Variants in SLC25A21 observed in about 807,000 individuals in gnomAD.
The protein encoded by SLC25A21 is mitochondrial 2-oxodicarboxylate carrier.
Under a neutral mutation model 43.8 loss-of-function variants are expected in SLC25A21, and 47 were observed. The ratio of observed to expected loss-of-function variants is 1.07; its 90% CI spans 0.85 to 1.37. The LOEUF (loss-of-function observed/expected upper bound fraction) is 1.37, where lower values mean the gene tolerates loss of function less well. Among genes scored for constraint, SLC25A21 ranks in the 40% most tolerant of loss-of-function variants. The pLI is 0.00. For missense variants in SLC25A21, 352 were observed against 350.2 expected (o/e 1.00, Z -0.04); for synonymous variants, 131 against 121.3 (o/e 1.08, Z -0.52).
At chr14:36,959,058 C>A (rs921306271) in intron 1 of SLC25A21, among the ~76,000 whole-genome samples, 3 of 152,150 alleles carry the variant, frequency 2.0e-5, no homozygotes, top group African/African-American at 4.8e-5. Context: ...TCGTGGTTGC[C>A]TTCACTATCA....
intron 1 of SLC25A21, among the ~76,000 whole-genome samples, chr14:37,057,709 T>C (rs1168262749): frequency 2.0e-5 from 3 of 152,240 alleles, no homozygotes; most frequent in African/African-American, 7.2e-5. Flanking sequence ...ACTTGAATTT[T>C]CAAAGAAGTA....
At chr14:37,091,934 C>A (rs1189285837) in intron 1 of SLC25A21, among the ~76,000 whole-genome samples, 1 of 152,084 alleles carries the variant, frequency 6.6e-6, no homozygotes, top group Non-Finnish European at 1.5e-5. Flanking sequence ...TTGAGATCAG[C>A]CTGGGCAACA....
intron 3 of SLC25A21, among the ~76,000 whole-genome samples, chr14:36,775,612 C>T (rs148691567): frequency 6.6e-6 from 1 of 152,216 alleles, no homozygotes; most frequent in African/African-American, 2.4e-5. Context: ...GGTATAAAAT[C>T]CAATCTCCCA....
intron 3 of SLC25A21, among the ~76,000 whole-genome samples, chr14:36,771,187 C>T (rs1287435802): frequency 2.6e-5 from 4 of 152,132 alleles, no homozygotes; most frequent in Admixed American, 6.5e-5. Flanking sequence ...CTTTAATATG[C>T]TTTTAAAGAA....
At chr14:37,026,666 T>C (rs1961099397) in intron 1 of SLC25A21, among the ~76,000 whole-genome samples, 1 of 152,210 alleles carries the variant, frequency 6.6e-6, no homozygotes, top group African/African-American at 2.4e-5. Context: ...CTGTTGAATT[T>C]ATCAGAGCTG....
intron 1 of SLC25A21, among the ~76,000 whole-genome samples, chr14:37,034,789 T>C (rs1468218815): frequency 6.6e-6 from 1 of 152,056 alleles, no homozygotes; most frequent in South Asian, 2.1e-4. Flanking sequence ...AGGTGAAAAG[T>C]GGTAAGAAGC....
intron 1 of SLC25A21, among the ~76,000 whole-genome samples, chr14:36,995,840 T>A (rs1960360311): frequency 6.6e-6 from 1 of 152,182 alleles, no homozygotes; most frequent in South Asian, 2.1e-4. Flanking sequence ...ATCCACTCCC[T>A]TACTCCTTCG....
intron 1 of SLC25A21, among the ~76,000 whole-genome samples, chr14:37,009,691 C>T (rs971810392): frequency 6.6e-6 from 1 of 152,132 alleles, no homozygotes; most frequent in Admixed American, 6.6e-5. Flanking sequence ...GAGCAAATTA[C>T]TTTTTCCAAT....
intron 5 of SLC25A21, among the ~76,000 whole-genome samples, chr14:36,728,918 A>G (rs1320463073): frequency 6.6e-6 from 1 of 152,232 alleles, no homozygotes; most frequent in East Asian, 1.9e-4. Flanking sequence ...TGTGAAAAGC[A>G]GCAAAGTCAC....
chr14:37,111,095 A>G (rs531409084), intron 1 of SLC25A21, among the ~76,000 whole-genome samples: 1 of 152,274 alleles, frequency 6.6e-6, no homozygotes, highest in South Asian at 2.1e-4. Flanking sequence ...CAATGCCTCA[A>G]TGTTTTCTTA....
intron 1 of SLC25A21, among the ~76,000 whole-genome samples, chr14:37,011,045 C>T (rs1960719628): frequency 6.6e-6 from 1 of 152,162 alleles, no homozygotes; most frequent in Non-Finnish European, 1.5e-5. Context: ...TGCCACCCTG[C>T]CCAGCTAATT....
intron 4 of SLC25A21, among the ~76,000 whole-genome samples, chr14:36,730,810 T>G (rs1030122778): frequency 3.3e-5 from 5 of 152,134 alleles, no homozygotes; most frequent in African/African-American, 1.2e-4. Flanking sequence ...AAGAGAAACC[T>G]CTGCCTACTT....
At chr14:36,832,267 A>G (rs1889065980) in intron 2 of SLC25A21, among the ~76,000 whole-genome samples, 1 of 152,080 alleles carries the variant, frequency 6.6e-6, no homozygotes, top group Non-Finnish European at 1.5e-5. Flanking sequence ...TAATATATAT[A>G]TATATCTTCA....
At chr14:36,976,969 G>A (rs887990915) in intron 1 of SLC25A21, among the ~76,000 whole-genome samples, 1 of 152,126 alleles carries the variant, frequency 6.6e-6, no homozygotes, top group African/African-American at 2.4e-5. Flanking sequence ...CCGAACACAG[G>A]TGTACTCAGG....
intron 3 of SLC25A21, among the ~76,000 whole-genome samples, chr14:36,776,425 A>C (rs939716207): frequency 2.6e-5 from 4 of 151,122 alleles, no homozygotes; most frequent in African/African-American, 9.8e-5. Context: ...TTTTTAGTAG[A>C]AACGGGGTTT....
At position 37,060,927 on chromosome 14, in the gene SLC25A21, G is replaced by T. The variant is rs150010149; in HGVS notation, c.70+111354C>A. On this transcript the variant is annotated intron_variant, in intron 1 of 9. Coordinates refer to ENST00000331299, the MANE Select transcript of SLC25A21 (RefSeq NM_030631.4). Reference sequence around the variant, plus strand: ...AATGTTTGGATTTGAACATCCAGGGGACGTTCTGCCCAATAGAGCTGCCCT... The same window carrying T: ...AATGTTTGGATTTGAACATCCAGGGTACGTTCTGCCCAATAGAGCTGCCCT... 2.1e-3 allele frequency among the ~76,000 whole-genome samples: 317 copies of T among 152,284 alleles called. 2 individuals carry two copies. The highest frequency in any genetic ancestry group is 9.3e-3 in the South Asian group (45 of 4,820).
intron 1 of SLC25A21, among the ~76,000 whole-genome samples, chr14:37,083,825 C>T (rs1056414424): frequency 1.3e-5 from 2 of 152,196 alleles, no homozygotes; most frequent in African/African-American, 4.8e-5. Context: ...ATAAGCACTA[C>T]TCTAAACCAC....
At chr14:37,030,207 A>T (rs182585842) in intron 1 of SLC25A21, among the ~76,000 whole-genome samples, 1 of 152,340 alleles carries the variant, frequency 6.6e-6, no homozygotes, top group East Asian at 1.9e-4. Flanking sequence ...ATTAAGTGGA[A>T]GTAGATCATC....
At chr14:36,956,061 T>G (rs1362114691) in intron 1 of SLC25A21, among the ~76,000 whole-genome samples, 1 of 152,194 alleles carries the variant, frequency 6.6e-6, no homozygotes, top group African/African-American at 2.4e-5. Flanking sequence ...TTCAACTTTG[T>G]GTCTGTCAGA....
Sources: gnomAD v4.1 joint callset for allele counts (sites outside exome capture counted in the v4.1 genomes callset) on GRCh38, gnomAD v4.1.1 for gene constraint, MANE v1.5 for transcripts, NCBI Gene and HGNC (gene_info 2026-07-23, HGNC 2026-07-21) for gene names.